Variants in SOAT1 observed in about 807,000 individuals in gnomAD.
SOAT1 encodes sterol O-acyltransferase 1, also known as acyl-coenzyme A:cholesterol acyltransferase 1.
SOAT1 carries 55 observed loss-of-function variants against 69.5 expected under a neutral mutation model. That is an observed-to-expected ratio of 0.79 (90% CI 0.64 to 0.99). SOAT1 has a LOEUF of 0.99. SOAT1 is among the 50% of genes least tolerant of loss of function. The pLI is 0.00. For missense variants in SOAT1, 580 were observed against 669.3 expected, an observed-to-expected ratio of 0.87 and a Z score of 1.47; for synonymous variants, 231 against 224.7, an observed-to-expected ratio of 1.03 and a Z score of -0.25.
intron 1 of SOAT1, among the ~76,000 whole-genome samples, chr1:179,302,281 T>C (rs1225144343): frequency 2.0e-5 from 3 of 152,210 alleles, no homozygotes; most frequent in African/African-American, 7.2e-5. Context: ...GCCAGATGCT[T>C]AGTTCAAAGC....
chr1:179,317,297 G>A (rs1169593069), intron 2 of SOAT1, among the ~76,000 whole-genome samples: 3 of 152,130 alleles, frequency 2.0e-5, no homozygotes, highest in Non-Finnish European at 4.4e-5. Context: ...ACTTTGGAAG[G>A]CCGAGGCGGG....
intron 1 of SOAT1, among the ~76,000 whole-genome samples, chr1:179,296,833 G>A (rs1010711058): frequency 6.6e-6 from 1 of 152,188 alleles, no homozygotes; most frequent in African/African-American, 2.4e-5. Context: ...GGCTAAAGTT[G>A]ACATGTCTTT....
chr1:179,313,019 A>C (rs1023237774), intron 2 of SOAT1, among the ~76,000 whole-genome samples: 4 of 152,214 alleles, frequency 2.6e-5, no homozygotes, highest in Admixed American at 2.6e-4. Flanking sequence ...TCGCAAAGGC[A>C]GTGACATGCA....
chr1:179,342,250 C>T, intron 8 of SOAT1, 58 bp downstream of exon 8: 1 of 1,137,622 alleles, frequency 8.8e-7, no homozygotes. Context: ...TCCCCCCACC[C>T]CATTCCCTTC....
At chr1:179,342,260 C>G in intron 8 of SOAT1, 68 bp downstream of exon 8, 5 of 789,044 alleles carry the variant, frequency 6.3e-6, no homozygotes, top group Non-Finnish European at 9.3e-6. Context: ...CCATTCCCTT[C>G]CCTTCCCTTC....
rs1177675002 is a variant in SOAT1, at chr1:179,341,233, C to T, written c.703C>T (p.Leu235=). Residue 235 remains leucine, a synonymous_variant, in exon 7 of 16, where the codon CTA becomes TTA. Coordinates refer to ENST00000367619, the MANE Select transcript of SOAT1 (RefSeq NM_003101.6). ...FLFMIFQIGV[L]GFGPTYVVLA... ...TTTCATGATCTTCCAGATTGGAGTTCTAGGTTTTGGACCAACATATGTTGT... is the reference window on the plus strand; with the variant it reads ...TTTCATGATCTTCCAGATTGGAGTTTTAGGTTTTGGACCAACATATGTTGT... 1 of 1,614,076 alleles carries T rather than the reference C, an allele frequency of 6.2e-7. No homozygotes were observed. The highest frequency in any genetic ancestry group is 8.5e-7 in the Non-Finnish European group (1 of 1,180,008).
At chr1:179,325,693 G>C (rs1406277227) in intron 3 of SOAT1, among the ~76,000 whole-genome samples, 1 of 152,104 alleles carries the variant, frequency 6.6e-6, no homozygotes, top group East Asian at 1.9e-4. Flanking sequence ...ACCTAAAGTG[G>C]GAGGAGAACC....
At chr1:179,317,492 C>T (rs1360654567) in intron 2 of SOAT1, among the ~76,000 whole-genome samples, 1 of 146,146 alleles carries the variant, frequency 6.8e-6, no homozygotes, top group Non-Finnish European at 1.5e-5. Context: ...GAGATCGCGC[C>T]ACTACCCTCC....
chr1:179,296,952 TAAG>T (rs1448804468), intron 1 of SOAT1, among the ~76,000 whole-genome samples: 1 of 152,230 alleles, frequency 6.6e-6, no homozygotes, highest in Non-Finnish European at 1.5e-5. Flanking sequence ...ATTAGATTCT[TAAG>T]AAATTCTTTT....
chr1:179,318,677 G>T (rs530570032), intron 2 of SOAT1, among the ~76,000 whole-genome samples: 1 of 152,116 alleles, frequency 6.6e-6, no homozygotes, highest in Admixed American at 6.5e-5. Context: ...CTCAGTAGTT[G>T]TCTATTCTGG....
chr1:179,341,015 C>T lies in SOAT1; in HGVS notation c.498-13C>T, dbSNP rs1391580337. On this transcript the variant is annotated splice_polypyrimidine_tract_variant and intron_variant, in intron 6 of 15. Coordinates refer to ENST00000367619, the MANE Select transcript of SOAT1 (RefSeq NM_003101.6). ...TCACCTCTATGTTCTTTTTCTGTAC[C>T]TTTTCTCCCCAGGCTGGTGCTTGAG... is the stretch of plus-strand genomic sequence containing the variant. 6.2e-7 allele frequency: 1 copy of T among 1,610,022 alleles called. No homozygotes were observed. Among genetic ancestry groups the T allele is most frequent in the Admixed American group, 1.7e-5 (1 of 59,246 alleles).
chr1:179,315,234 C>A (rs1162282863), intron 2 of SOAT1, among the ~76,000 whole-genome samples: 1 of 152,092 alleles, frequency 6.6e-6, no homozygotes, highest in African/African-American at 2.4e-5. Flanking sequence ...TGCTGGAGGC[C>A]AGGAGTTCAA....
Position 179,354,745 on chromosome 1 carries a change from G to C in SOAT1, c.*1104G>C, listed in dbSNP as rs1342214471. ...AATATGTGATTGGTTTCAAGGAAAT[G>C]TACTCTATTATGTAATACTTCCATT... is the stretch of plus-strand genomic sequence containing the variant. On this transcript the variant is annotated 3_prime_UTR_variant, in exon 16 of 16. Coordinates refer to ENST00000367619, the MANE Select transcript of SOAT1 (RefSeq NM_003101.6). 6.6e-6 allele frequency: 1 copy of C among 152,112 alleles called. No individual in the cohort carries two copies. The highest frequency in any genetic ancestry group is 2.4e-5 in the African/African-American group (1 of 41,422). 9.4% of individuals were successfully genotyped at this position (152,112 alleles called of 1,614,324 possible). A position where few individuals can be genotyped will look rare whatever the true frequency, so the allele number is the denominator to read the frequency against.
intron 2 of SOAT1, among the ~76,000 whole-genome samples, chr1:179,308,208 A>G (rs1665083632): frequency 6.6e-6 from 1 of 152,202 alleles, no homozygotes; most frequent in Admixed American, 6.5e-5. Context: ...GAAATCCTCT[A>G]ATATTCCTAC....
Position 179,358,030 on chromosome 1 carries a change from A to C in SOAT1, c.*4389A>C, listed in dbSNP as rs1571468966. On this transcript the variant is annotated 3_prime_UTR_variant, in exon 16 of 16. Transcript: ENST00000367619. ...GTGTATCACTTCTTTCTCACCCTAAATTTAATGCCTAGTTTGAAAATCAGT... is the reference window on the plus strand; with the variant it reads ...GTGTATCACTTCTTTCTCACCCTAACTTTAATGCCTAGTTTGAAAATCAGT... 1 of 152,312 alleles carries C rather than the reference A, an allele frequency of 6.6e-6. No individual in the cohort carries two copies. The highest frequency in any genetic ancestry group is 1.9e-4 in the East Asian group (1 of 5,190). The allele number at this position is 152,312 out of a possible 1,614,324, so 9.4% of individuals were successfully genotyped here.
chr1:179,344,875 T>C, intron 10 of SOAT1, 72 bp from the exon 11 acceptor site: 2 of 1,468,830 alleles, frequency 1.4e-6, no homozygotes, highest in Non-Finnish European at 1.9e-6. Flanking sequence ...GTACTTTCTT[T>C]TGGAGAGAAA....
intron 3 of SOAT1, among the ~76,000 whole-genome samples, chr1:179,327,335 C>T (rs1490749034): frequency 6.6e-6 from 1 of 152,132 alleles, no homozygotes; most frequent in Non-Finnish European, 1.5e-5. Context: ...ATGTTCCTCC[C>T]AGTCGTCACT....
intron 10 of SOAT1, among the ~76,000 whole-genome samples, chr1:179,343,972 T>A (rs751118183): frequency 2.6e-5 from 4 of 152,022 alleles, no homozygotes; most frequent in Non-Finnish European, 5.9e-5. Context: ...AATACAAAAA[T>A]TAGCCTGGCG....
At chr1:179,296,182 T>A (rs1664633637) in intron 1 of SOAT1, among the ~76,000 whole-genome samples, 1 of 151,988 alleles carries the variant, frequency 6.6e-6, no homozygotes. Context: ...TTGGCCAGAC[T>A]GGTCTCAAAC....
Sources: allele counts gnomAD v4.1 joint callset (sites outside exome capture counted in the v4.1 genomes callset), GRCh38; gene constraint gnomAD v4.1.1; transcripts MANE v1.5; gene names NCBI Gene and HGNC (gene_info 2026-07-23, HGNC 2026-07-21).